DACH2: variants seen among roughly 807,000 people sequenced by gnomAD.
DACH2 encodes dachshund homolog 2.
In DACH2, 17 loss-of-function variants were observed where a neutral mutation model predicts 35.8. The ratio of observed to expected loss-of-function variants is 0.48; its 90% CI spans 0.33 to 0.71. DACH2 has a LOEUF of 0.71. DACH2 is among the 30% of genes least tolerant of loss of function. The probability of loss-of-function intolerance (pLI) is 0.02; values close to 1 mark genes in which losing one functional copy is unlikely to be tolerated. For synonymous variants in DACH2, 195 were observed against 177.3 expected, an observed-to-expected ratio of 1.10 and a Z score of -0.79; for missense variants, 469 against 472.7, an observed-to-expected ratio of 0.99 and a Z score of 0.07.
intron 2 of DACH2, among the ~76,000 whole-genome samples, chrX:86,508,352 A>G (rs1036643820): frequency 9.0e-6 from 1 of 110,519 alleles, no homozygotes; most frequent in African/African-American, 3.3e-5. Flanking sequence ...TGAGGCCAGG[A>G]GTTTGAGACC....
At chrX:86,172,571 C>T (rs947272919) in intron 1 of DACH2, among the ~76,000 whole-genome samples, 4 of 112,163 alleles carry the variant, frequency 3.6e-5, no homozygotes, top group East Asian at 5.6e-4. Context: ...CAGTCTATTA[C>T]AGGCAGAGCC....
chrX:86,279,909 A>C (rs2033991520), intron 1 of DACH2, among the ~76,000 whole-genome samples: 1 of 108,615 alleles, frequency 9.2e-6, no homozygotes, highest in Non-Finnish European at 1.9e-5. Context: ...AAGCAGAAGA[A>C]AGGATATCAG....
In DACH2 at chrX:86,413,650, G is replaced by C. The variant is rs189538997; in HGVS notation, c.527+36788G>C. 9.4e-3 allele frequency among the ~76,000 whole-genome samples: 1,049 copies of C among 111,211 alleles called. 6 individuals carry two copies. Among genetic ancestry groups the C allele is most frequent in the Non-Finnish European group, 0.015 (794 of 52,998 alleles). On this transcript the variant is annotated intron_variant, in intron 2 of 11. Coordinates refer to ENST00000373125, the MANE Select transcript of DACH2 (RefSeq NM_053281.3). ...CCTCCTTGGATGCTATATTGTTTTT[G>C]ATTTACTATTTTTCTAGGTAGAGCA...
chrX:86,556,007 G>C (rs905094020), intron 3 of DACH2, among the ~76,000 whole-genome samples: 1 of 111,505 alleles, frequency 9.0e-6, no homozygotes, highest in African/African-American at 3.3e-5. Flanking sequence ...ACTATGATTC[G>C]TGCCATAGCT....
At chrX:86,248,273 T>A (rs917903090) in intron 1 of DACH2, among the ~76,000 whole-genome samples, 1 of 111,137 alleles carries the variant, frequency 9.0e-6, no homozygotes, top group Non-Finnish European at 1.9e-5. Flanking sequence ...ACAGACAGTA[T>A]GATTTTATAC....
intron 1 of DACH2, among the ~76,000 whole-genome samples, chrX:86,298,168 G>A (rs2034505925): frequency 9.0e-6 from 1 of 111,695 alleles, no homozygotes; most frequent in Admixed American, 9.6e-5. Flanking sequence ...AATTGTAGTA[G>A]TGTGTTGCAG....
In DACH2 at chrX:86,254,781, A is replaced by ATATATATATATATAT. The variant is rs1556004270; in HGVS notation, c.488+105673_488+105674insTATATATATATATAT. ...GTGTGGGGTGTTATTCAAATAAATA[A>ATATATATATATATAT]ATATATATATATATATATATATATA... On this transcript the variant is annotated intron_variant, in intron 1 of 11. Transcript: ENST00000373125. 2.0e-3 allele frequency among the ~76,000 whole-genome samples: 46 copies of ATATATATATATATAT among 22,561 alleles called. 1 individual carries two copies. The highest frequency in any genetic ancestry group is 0.056 in the Middle Eastern group (1 of 18). 19.6% of individuals were successfully genotyped at this position (22,561 alleles called of 115,157 possible).
intron 2 of DACH2, among the ~76,000 whole-genome samples, chrX:86,408,672 G>C (rs1332830333): frequency 9.0e-6 from 1 of 111,475 alleles, no homozygotes; most frequent in East Asian, 2.8e-4. Context: ...AATAAAATTG[G>C]AGTAGAAAAA....
At chrX:86,817,822 T>G (rs961193393) in intron 11 of DACH2, among the ~76,000 whole-genome samples, 1 of 112,006 alleles carries the variant, frequency 8.9e-6, no homozygotes, top group African/African-American at 3.2e-5. Flanking sequence ...TTTTATGAAG[T>G]CTACCAAGAA....
chrX:86,289,943 T>G lies in DACH2; in HGVS notation c.489-86881T>G, dbSNP rs1158477046. ...GTCCTTTGGGTATATACCCAGTAATTGGATGGCTGGGTCAAATGGTATTTC... is the reference window on the plus strand; with the variant it reads ...GTCCTTTGGGTATATACCCAGTAATGGGATGGCTGGGTCAAATGGTATTTC... On this transcript the variant is annotated intron_variant, in intron 1 of 11. Transcript: ENST00000373125. 5.8e-4 allele frequency among the ~76,000 whole-genome samples: 62 copies of G among 106,567 alleles called. 2 individuals are homozygous for G. Among genetic ancestry groups the G allele is most frequent in the East Asian group, 2.7e-3 (9 of 3,301 alleles). 92.5% of individuals were successfully genotyped at this position (106,567 alleles called of 115,157 possible). A position where few individuals can be genotyped will look rare whatever the true frequency, so the allele number is the denominator to read the frequency against.
At chrX:86,237,279 G>T (rs1446534422) in intron 1 of DACH2, among the ~76,000 whole-genome samples, 1 of 111,401 alleles carries the variant, frequency 9.0e-6, no homozygotes, top group African/African-American at 3.3e-5. Flanking sequence ...TTTTTAATAA[G>T]TAGAAGGAGT....
chrX:86,229,149 T>TGA (rs1190053878), intron 1 of DACH2, among the ~76,000 whole-genome samples: 1 of 111,997 alleles, frequency 8.9e-6, no homozygotes, highest in Non-Finnish European at 1.9e-5. Flanking sequence ...TTGTGTAAGA[T>TGA]GAGAGATGAG....
At chrX:86,247,870 T>C (rs1390929219) in intron 1 of DACH2, among the ~76,000 whole-genome samples, 1 of 111,554 alleles carries the variant, frequency 9.0e-6, no homozygotes, top group East Asian at 2.8e-4. Context: ...ATTCCCAGGA[T>C]GCAAGGTTGG....
intron 3 of DACH2, among the ~76,000 whole-genome samples, chrX:86,542,512 G>A (rs2038899492): frequency 9.0e-6 from 1 of 111,661 alleles, no homozygotes; most frequent in Non-Finnish European, 1.9e-5. Flanking sequence ...ATGTTGAAAT[G>A]CAGCACAAAA....
At chrX:86,746,043 G>C (rs1281043577) in intron 7 of DACH2, among the ~76,000 whole-genome samples, 2 of 111,545 alleles carry the variant, frequency 1.8e-5, no homozygotes, top group Non-Finnish European at 3.8e-5. Context: ...CTTTTGAAAA[G>C]TCTGTTCATG....
At chrX:86,313,355 T>A (rs2034836674) in intron 1 of DACH2, among the ~76,000 whole-genome samples, 1 of 111,640 alleles carries the variant, frequency 9.0e-6, no homozygotes, top group Non-Finnish European at 1.9e-5. Flanking sequence ...ACATAGTAAG[T>A]AGATATTTTG....
At chrX:86,728,554 T>C in intron 6 of DACH2, among the ~76,000 whole-genome samples, 1 of 112,564 alleles carries the variant, frequency 8.9e-6, no homozygotes, top group Non-Finnish European at 1.9e-5. Flanking sequence ...CTCAAAGGTA[T>C]TTCATAGAAC....
intron 2 of DACH2, among the ~76,000 whole-genome samples, chrX:86,459,874 G>A (rs954457779): frequency 4.8e-3 from 5 of 1,040 alleles, no homozygotes; most frequent in Admixed American, 0.014. Flanking sequence ...ATAGGATTAT[G>A]ATTATTTTTA....
rs980080100 is a variant in DACH2 at position 86,271,978 on chromosome X, C to G, written c.489-104846C>G. ...ATTAAGTAATTTCTCATCCCTCACTCCCTGCCCAGCTCCCCATGCTTCTCA... is the reference window on the plus strand; with the variant it reads ...ATTAAGTAATTTCTCATCCCTCACTGCCTGCCCAGCTCCCCATGCTTCTCA... On this transcript the variant is annotated intron_variant, in intron 1 of 11. Coordinates refer to ENST00000373125, the MANE Select transcript of DACH2 (RefSeq NM_053281.3). Among the ~76,000 whole-genome samples, 4 of 111,126 alleles carry G rather than the reference C, an allele frequency of 3.6e-5. No individual in the cohort carries two copies. The East Asian group carries it at 1.1e-3, about 31-fold the overall frequency.
Sources: gnomAD v4.1 joint callset for allele counts (sites outside exome capture counted in the v4.1 genomes callset) on GRCh38, gnomAD v4.1.1 for gene constraint, MANE v1.5 for transcripts, NCBI Gene and HGNC (gene_info 2026-07-23, HGNC 2026-07-21) for gene names.